NCKAP5: variants seen among roughly 807,000 people sequenced by gnomAD.
NCKAP5 encodes the protein NCK associated protein 5, also known as nck-associated protein 5.
In NCKAP5, 92 loss-of-function variants were observed where a neutral mutation model predicts 167.0. That is an observed-to-expected ratio of 0.55 (90% confidence interval 0.47 to 0.66). The LOEUF (loss-of-function observed/expected upper bound fraction) is 0.66, where lower values mean the gene tolerates loss of function less well. NCKAP5 is among the 30% of genes least tolerant of loss of function. The pLI is 0.00. For missense variants in NCKAP5, 2,378 were observed against 2,315.0 expected, an observed-to-expected ratio of 1.03 and a Z score of -0.56; for synonymous variants, 891 against 877.4, an observed-to-expected ratio of 1.02 and a Z score of -0.27.
intron 2 of NCKAP5, among the ~76,000 whole-genome samples, chr2:133,552,939 C>T (rs1255488870): frequency 6.6e-6 from 1 of 152,014 alleles, no homozygotes; most frequent in Admixed American, 6.6e-5. Flanking sequence ...GGGCATGAAG[C>T]AAGTAGAAGT....
chr2:132,712,293 A>G (rs938599321), intron 19 of NCKAP5, among the ~76,000 whole-genome samples: 1 of 152,136 alleles, frequency 6.6e-6, no homozygotes, highest in African/African-American at 2.4e-5. Context: ...CTGATTCTTC[A>G]AGACTCACCT....
chr2:132,689,730 T>A (rs2709529), intron 19 of NCKAP5, among the ~76,000 whole-genome samples: 61,013 of 152,036 alleles, frequency 0.4, 14,023 homozygotes, highest in East Asian at 0.55. Flanking sequence ...CTCTGTCTAT[T>A]GATTGTCCTT....
chr2:132,875,012 T>C (rs1330957665), intron 9 of NCKAP5, among the ~76,000 whole-genome samples: 1 of 152,206 alleles, frequency 6.6e-6, no homozygotes, highest in Non-Finnish European at 1.5e-5. Context: ...CTTCTGTTAC[T>C]GTATCTAAAC....
chr2:133,173,775 A>G (rs981536037), intron 5 of NCKAP5, among the ~76,000 whole-genome samples: 1 of 152,170 alleles, frequency 6.6e-6, no homozygotes, highest in African/African-American at 2.4e-5. Flanking sequence ...CAATATCCAC[A>G]TATGACAGAT....
At position 132,782,650 on chromosome 2, in the gene NCKAP5, GTCT is replaced by G. The variant is rs1311426236; in HGVS notation, c.4158_4160del (p.Glu1386del). On this transcript the variant is annotated inframe_deletion, in exon 14 of 20. Transcript: ENST00000409261. ...ACTCTCCCTGGGTGAAGGCCTGCTGGTCTTCCTTTCCAGGTGGGATGAGGAGTC... is the reference window on the plus strand; with the variant it reads ...ACTCTCCCTGGGTGAAGGCCTGCTGGTCCTTTCCAGGTGGGATGAGGAGTC... 2 of 1,610,660 alleles carry G rather than the reference GTCT, an allele frequency of 1.2e-6. No individual in the cohort carries two copies. Among genetic ancestry groups the G allele is most frequent in the Non-Finnish European group, 8.5e-7 (1 of 1,178,344 alleles).
intron 11 of NCKAP5, among the ~76,000 whole-genome samples, chr2:132,828,125 C>T (rs923821811): frequency 7.2e-5 from 11 of 152,178 alleles, no homozygotes; most frequent in South Asian, 2.1e-4. Flanking sequence ...GAACAGTCCT[C>T]GCCAGACTGA....
chr2:132,693,659 T>C (rs915291373), intron 19 of NCKAP5, among the ~76,000 whole-genome samples: 3 of 134,072 alleles, frequency 2.2e-5, no homozygotes, highest in East Asian at 4.7e-4. Flanking sequence ...GGAGTCTTGC[T>C]CTGTCACCCA....
chr2:133,303,154 C>T lies in NCKAP5; in HGVS notation c.70-44G>A, dbSNP rs765977790. ...ACAGATGAAAACTCACTATGACAGT[C>T]CCCACCATCCTAAGACCCTGACCTT... On this transcript the variant is annotated intron_variant, in intron 3 of 19. Transcript: ENST00000409261. 49 of 1,346,238 alleles carry T rather than the reference C, an allele frequency of 3.6e-5. No homozygotes were observed. The South Asian group carries it at 6.1e-4, about 17-fold the overall frequency. The allele number at this position is 1,346,238 out of a possible 1,614,324, so 83.4% of individuals were successfully genotyped here.
intron 3 of NCKAP5, among the ~76,000 whole-genome samples, chr2:133,491,705 T>C (rs1051782656): frequency 6.6e-6 from 1 of 152,170 alleles, no homozygotes; most frequent in Non-Finnish European, 1.5e-5. Context: ...AGCCAGCTTT[T>C]CTGCTAAGGA....
intron 11 of NCKAP5, among the ~76,000 whole-genome samples, chr2:132,847,735 C>T (rs767989457): frequency 1.9e-4 from 29 of 152,150 alleles, no homozygotes; most frequent in Middle Eastern, 3.2e-3. Context: ...ACTCCTGATA[C>T]AAGCAGCTAC....
intron 18 of NCKAP5, among the ~76,000 whole-genome samples, chr2:132,727,341 A>G (rs893852043): frequency 1.3e-5 from 2 of 152,140 alleles, no homozygotes; most frequent in Non-Finnish European, 2.9e-5. Flanking sequence ...TAAATTTTAC[A>G]GCTCTCAATT....
intron 4 of NCKAP5, among the ~76,000 whole-genome samples, chr2:133,298,916 A>C (rs1680151585): frequency 6.6e-6 from 1 of 152,206 alleles, no homozygotes; most frequent in Non-Finnish European, 1.5e-5. Context: ...CAAATCTAGC[A>C]AATATTGCAT....
At chr2:133,163,155 C>T (rs1016197479) in intron 5 of NCKAP5, among the ~76,000 whole-genome samples, 1 of 152,228 alleles carries the variant, frequency 6.6e-6, no homozygotes, top group Admixed American at 6.5e-5. Context: ...ACTTTGACTA[C>T]CTCCAGAGGA....
At chr2:133,313,765 A>G (rs1258084196) in intron 3 of NCKAP5, among the ~76,000 whole-genome samples, 4 of 152,214 alleles carry the variant, frequency 2.6e-5, no homozygotes, top group Admixed American at 2.6e-4. Context: ...AAAAGTCACC[A>G]TAAAAATACA....
chr2:132,885,008 C>T (rs547465895), intron 8 of NCKAP5, among the ~76,000 whole-genome samples: 18 of 152,246 alleles, frequency 1.2e-4, no homozygotes, highest in African/African-American at 4.1e-4. Flanking sequence ...GCACAATAGT[C>T]ACATTTATGG....
At chr2:132,773,729 A>C in intron 16 of NCKAP5, 87 bp downstream of exon 16, 2 of 1,053,836 alleles carry the variant, frequency 1.9e-6, no homozygotes. Context: ...ATAGAGGGAC[A>C]TGGTCTCTAG....
At chr2:133,072,910 C>T (rs868055712) in intron 6 of NCKAP5, among the ~76,000 whole-genome samples, 4 of 152,018 alleles carry the variant, frequency 2.6e-5, no homozygotes, top group East Asian at 1.9e-4. Context: ...ACCATGGCTC[C>T]GAATTCTAAA....
chr2:132,815,165 A>C (rs1310921802), intron 11 of NCKAP5, among the ~76,000 whole-genome samples: 3 of 152,328 alleles, frequency 2.0e-5, no homozygotes, highest in South Asian at 2.1e-4. Flanking sequence ...TTCAAGATGC[A>C]AAGTTATCTT....
chr2:133,235,637 C>T (rs2087368524), intron 4 of NCKAP5, among the ~76,000 whole-genome samples: 1 of 152,080 alleles, frequency 6.6e-6, no homozygotes, highest in East Asian at 1.9e-4. Flanking sequence ...GGCACAGTGG[C>T]TCATGCCTGC....
Sources: allele counts gnomAD v4.1 joint callset (sites outside exome capture counted in the v4.1 genomes callset), GRCh38; gene constraint gnomAD v4.1.1; transcripts MANE v1.5; gene names NCBI Gene and HGNC (gene_info 2026-07-23, HGNC 2026-07-21).